DNM3: variants seen among roughly 807,000 people sequenced by gnomAD.
DNM3 encodes the protein dynamin 3.
Under a neutral mutation model 101.6 loss-of-function variants are expected in DNM3, and 47 were observed. That is an observed-to-expected ratio of 0.46 (90% CI 0.37 to 0.59). DNM3 has a LOEUF of 0.59. DNM3 is among the 20% of genes least tolerant of loss of function. The pLI is 0.00. For missense variants in DNM3, 849 were observed against 1,085.7 expected, an observed-to-expected ratio of 0.78 and a Z score of 3.06; for synonymous variants, 385 against 387.9, an observed-to-expected ratio of 0.99 and a Z score of 0.09.
At chr1:172,030,704 GA>G (rs961552193) in intron 4 of DNM3, among the ~76,000 whole-genome samples, 4 of 151,132 alleles carry the variant, frequency 2.6e-5, no homozygotes, top group South Asian at 2.1e-4. Flanking sequence ...AAATTTACAA[GA>G]AAAAAAACAA....
At chr1:172,218,456 A>T (rs1002596519) in intron 14 of DNM3, among the ~76,000 whole-genome samples, 2 of 152,108 alleles carry the variant, frequency 1.3e-5, no homozygotes, top group Admixed American at 6.6e-5. Context: ...CACTGTAACA[A>T]GGTGAAGAAG....
intron 14 of DNM3, among the ~76,000 whole-genome samples, chr1:172,159,902 T>C (rs111761254): frequency 5.5e-4 from 83 of 152,138 alleles, no homozygotes; most frequent in African/African-American, 1.9e-3. Flanking sequence ...GAGCCTGCTA[T>C]ATACCTAGGC....
intron 12 of DNM3, 113 bp from the exon 13 acceptor site, chr1:172,092,711 G>A (rs1461739822): frequency 2.4e-5 from 28 of 1,159,678 alleles, no homozygotes; most frequent in Non-Finnish European, 1.2e-5. Context: ...TTGGTATTAG[G>A]TCTGTCTCCA....
intron 14 of DNM3, among the ~76,000 whole-genome samples, chr1:172,247,656 C>CTTTCTTATTTATTTAT (rs1553207717): frequency 5.9e-5 from 8 of 135,386 alleles, no homozygotes; most frequent in Admixed American, 2.9e-4. Context: ...ATTATTATTT[C>CTTTCTTATTTATTTAT]TTATTTATTT....
At chr1:171,918,575 A>T (rs1283103688) in intron 1 of DNM3, among the ~76,000 whole-genome samples, 3 of 152,246 alleles carry the variant, frequency 2.0e-5, no homozygotes, top group East Asian at 3.8e-4. Context: ...CCTGTGAAAC[A>T]GGATAGACTT....
intron 14 of DNM3, among the ~76,000 whole-genome samples, chr1:172,147,785 T>C (rs761003643): frequency 2.0e-5 from 3 of 152,112 alleles, no homozygotes; most frequent in Non-Finnish European, 4.4e-5. Context: ...TTAATCATCA[T>C]TATCCATTCC....
At chr1:172,183,495 T>C (rs2059416047) in intron 14 of DNM3, among the ~76,000 whole-genome samples, 1 of 152,132 alleles carries the variant, frequency 6.6e-6, no homozygotes, top group Non-Finnish European at 1.5e-5. Flanking sequence ...ACTGAAACAT[T>C]GTGGAGTTTT....
chr1:172,346,306 C>T (rs945786364), intron 17 of DNM3, among the ~76,000 whole-genome samples: 3 of 151,968 alleles, frequency 2.0e-5, no homozygotes, highest in South Asian at 2.1e-4. Flanking sequence ...AGTTTATTGG[C>T]GTAACTGAAG....
intron 10 of DNM3, among the ~76,000 whole-genome samples, chr1:172,052,693 C>G (rs1251818511): frequency 1.3e-5 from 2 of 152,116 alleles, no homozygotes; most frequent in Admixed American, 1.3e-4. Context: ...CCCTCTTTCT[C>G]TTTATTCCTT....
chr1:171,995,285 A>G (rs986055408), intron 4 of DNM3, among the ~76,000 whole-genome samples: 1 of 151,446 alleles, frequency 6.6e-6, no homozygotes, highest in Non-Finnish European at 1.5e-5. Context: ...TTTTGCATTT[A>G]GTGGAGACAG....
At chr1:172,275,802 A>G (rs1476081216) in intron 15 of DNM3, among the ~76,000 whole-genome samples, 1 of 152,120 alleles carries the variant, frequency 6.6e-6, no homozygotes, top group Non-Finnish European at 1.5e-5. Context: ...GATAATTTTT[A>G]TTGCCTTGAA....
chr1:171,982,446 C>T (rs530132499), intron 2 of DNM3, among the ~76,000 whole-genome samples: 5 of 152,278 alleles, frequency 3.3e-5, no homozygotes, highest in African/African-American at 1.2e-4. Context: ...GCTTGTTTTG[C>T]TGAATTTTCC....
chr1:172,014,806 T>C (rs1381145244), intron 4 of DNM3, among the ~76,000 whole-genome samples: 1 of 152,124 alleles, frequency 6.6e-6, no homozygotes, highest in Non-Finnish European at 1.5e-5. Flanking sequence ...AAAGTCCCCT[T>C]ATTGATTATT....
intron 15 of DNM3, among the ~76,000 whole-genome samples, chr1:172,286,729 C>A (rs1041543297): frequency 3.9e-5 from 6 of 152,184 alleles, no homozygotes; most frequent in African/African-American, 1.4e-4. Context: ...AAAACCATCA[C>A]CCTCCTTTCA....
chr1:172,313,232 T>C lies in DNM3; in HGVS notation c.1881+4393T>C, dbSNP rs2065154517. On this transcript the variant is annotated intron_variant, in intron 16 of 20. Transcript: ENST00000627582. ...TATCCAGTTTCAAAGTAAAGATGTC[T>C]CTAATGTAATTAATTGTTATTTTCA... 2.0e-5 allele frequency among the ~76,000 whole-genome samples: 3 copies of C among 152,254 alleles called. No homozygotes were observed. In the South Asian group the frequency reaches 6.2e-4, roughly 31 times the overall value.
At chr1:172,195,424 TG>T (rs1419968277) in intron 14 of DNM3, among the ~76,000 whole-genome samples, 12 of 152,018 alleles carry the variant, frequency 7.9e-5, no homozygotes, top group African/African-American at 2.9e-4. Flanking sequence ...TTCCTTTTCT[TG>T]ACTTATGGCA....
intron 4 of DNM3, among the ~76,000 whole-genome samples, chr1:172,015,542 A>G (rs1392952402): frequency 2.6e-5 from 4 of 152,158 alleles, no homozygotes; most frequent in Non-Finnish European, 5.9e-5. Context: ...TGTAAATAGT[A>G]ATGTACTTTT....
chr1:172,214,206 C>G (rs1399738567), intron 14 of DNM3, among the ~76,000 whole-genome samples: 1 of 152,020 alleles, frequency 6.6e-6, no homozygotes, highest in African/African-American at 2.4e-5. Context: ...TTCATGGTAA[C>G]TTGTCATAAT....
chr1:171,969,778 G>A (rs1021529181), intron 2 of DNM3, among the ~76,000 whole-genome samples: 7 of 152,062 alleles, frequency 4.6e-5, no homozygotes, highest in Non-Finnish European at 8.8e-5. Flanking sequence ...TGCTCTCTGG[G>A]CCCTAATAAA....
Sources: gnomAD v4.1 joint callset for allele counts (sites outside exome capture counted in the v4.1 genomes callset) on GRCh38, gnomAD v4.1.1 for gene constraint, MANE v1.5 for transcripts, NCBI Gene and HGNC (gene_info 2026-07-23, HGNC 2026-07-21) for gene names.